Variants in TBC1D14 observed in about 807,000 individuals in gnomAD.
The protein encoded by TBC1D14 is TBC1 domain family member 14.
Under a neutral mutation model 79.0 loss-of-function variants are expected in TBC1D14, and 26 were observed. The ratio of observed to expected loss-of-function variants is 0.33; its 90% CI spans 0.24 to 0.46. The LOEUF (loss-of-function observed/expected upper bound fraction) is 0.46. Among genes scored for constraint, TBC1D14 ranks in the 20% least tolerant of loss-of-function variants. The pLI is 1.00. For missense variants in TBC1D14, 769 were observed against 887.6 expected (o/e 0.87, Z 1.70); for synonymous variants, 394 against 349.9 (o/e 1.13, Z -1.40).
chr4:6,967,254 T>C, intron 2 of TBC1D14, 50 bp from the exon 3 acceptor site: 1 of 1,599,304 alleles, frequency 6.3e-7, no homozygotes, highest in Non-Finnish European at 8.5e-7. Flanking sequence ...TGTTCTGGTG[T>C]TTCTTGAATT....
chr4:6,958,495 C>T (rs924165448), intron 2 of TBC1D14, among the ~76,000 whole-genome samples: 1 of 152,150 alleles, frequency 6.6e-6, no homozygotes, highest in Non-Finnish European at 1.5e-5. Flanking sequence ...CAGGGGCTCA[C>T]TCAGCTTGTG....
At chr4:6,974,146 C>T (rs1404088284) in intron 3 of TBC1D14, among the ~76,000 whole-genome samples, 1 of 152,108 alleles carries the variant, frequency 6.6e-6, no homozygotes, top group Non-Finnish European at 1.5e-5. Flanking sequence ...GCGCCCAGGC[C>T]TAGTTTTATT....
Position 6,994,392 on chromosome 4 carries a change from C to T in TBC1D14, c.962+90C>T, listed in dbSNP as rs764185569. On this transcript the variant is annotated intron_variant, in intron 4 of 13. Coordinates refer to ENST00000409757, the MANE Select transcript of TBC1D14 (RefSeq NM_020773.3). ...CTTTTCATTAGAGAAAAACTAGGGT[C>T]AGAAAAGGGGAGAAGAGTAAGCCAG... 108 of 1,145,200 alleles carry T rather than the reference C, an allele frequency of 9.4e-5. 1 individual carries two copies. The highest frequency in any genetic ancestry group is 1.3e-4 in the Non-Finnish European group (100 of 757,164). The allele number at this position is 1,145,200 out of a possible 1,614,324, so 70.9% of individuals were successfully genotyped here. A position where few individuals can be genotyped will look rare whatever the true frequency, so the allele number is the denominator to read the frequency against.
chr4:7,013,527 G>C (rs1207723688), intron 11 of TBC1D14, among the ~76,000 whole-genome samples: 1 of 152,148 alleles, frequency 6.6e-6, no homozygotes, highest in Non-Finnish European at 1.5e-5. Flanking sequence ...TGTACATTTT[G>C]CTTCCTTAAA....
At chr4:6,942,047 TTGC>T (rs1712965711) in intron 2 of TBC1D14, among the ~76,000 whole-genome samples, 1 of 152,228 alleles carries the variant, frequency 6.6e-6, no homozygotes, top group African/African-American at 2.4e-5. Context: ...CATCAGCCAC[TTGC>T]TACTCATAAA....
intron 2 of TBC1D14, among the ~76,000 whole-genome samples, chr4:6,932,403 G>A (rs1456896026): frequency 6.6e-6 from 1 of 151,080 alleles, no homozygotes; most frequent in Non-Finnish European, 1.5e-5. Flanking sequence ...ACTTGAAGAT[G>A]TCAGTGACAA....
At chr4:6,975,001 A>G (rs1454573041) in intron 3 of TBC1D14, among the ~76,000 whole-genome samples, 1 of 148,732 alleles carries the variant, frequency 6.7e-6, no homozygotes, top group East Asian at 2.0e-4. Context: ...AACCTCTGCC[A>G]CCCAGGTTCA....
chr4:7,002,123 C>G (rs1367711794), intron 7 of TBC1D14, among the ~76,000 whole-genome samples: 1 of 152,166 alleles, frequency 6.6e-6, no homozygotes, highest in Non-Finnish European at 1.5e-5. Flanking sequence ...AGGCAGGTCT[C>G]CCCTCACGCC....
chr4:7,004,957 TG>T (rs1431044320), intron 8 of TBC1D14, 33 bp downstream of exon 8: 1 of 1,579,878 alleles, frequency 6.3e-7, no homozygotes, highest in Non-Finnish European at 8.7e-7. Context: ...CGGACTGCTG[TG>T]GTCAATTATG....
intron 2 of TBC1D14, among the ~76,000 whole-genome samples, chr4:6,925,270 A>C (rs11942739): frequency 0.29 from 43,964 of 152,100 alleles, 6,599 homozygotes; most frequent in Admixed American, 0.33. Flanking sequence ...CCATCTCAAA[A>C]AAACAAACAA....
intron 13 of TBC1D14, among the ~76,000 whole-genome samples, chr4:7,027,443 CAT>C (rs1393011655): frequency 1.2e-3 from 168 of 141,700 alleles, no homozygotes; most frequent in African/African-American, 3.9e-3. Context: ...TCACCCCACA[CAT>C]AGACACGCAC....
At position 7,001,453 on chromosome 4, in the gene TBC1D14, C is replaced by T. The variant is rs182787099; in HGVS notation, c.1270+202C>T. 645 of 541,516 alleles carry T rather than the reference C, an allele frequency of 1.2e-3. 2 individuals are homozygous for T. The highest frequency in any genetic ancestry group is 0.01 in the African/African-American group (552 of 52,596). The allele number at this position is 541,516 out of a possible 1,614,324, so 33.5% of individuals were successfully genotyped here. ...GCACTCCGGTTACCTGACAGCTCAG[C>T]GCAGGAGCTCTTGAATAGAGGGGGC... On this transcript the variant is annotated intron_variant, in intron 7 of 13. Coordinates refer to ENST00000409757, the MANE Select transcript of TBC1D14 (RefSeq NM_020773.3).
intron 2 of TBC1D14, among the ~76,000 whole-genome samples, chr4:6,949,859 G>A (rs1370957920): frequency 1.3e-5 from 2 of 151,640 alleles, no homozygotes; most frequent in Non-Finnish European, 2.9e-5. Context: ...ATGTAGAGTT[G>A]ACTCGTTGGG....
intron 11 of TBC1D14, among the ~76,000 whole-genome samples, chr4:7,013,318 C>G (rs1720954368): frequency 6.6e-6 from 1 of 152,224 alleles, no homozygotes; most frequent in South Asian, 2.1e-4. Context: ...ACCAGTGTTG[C>G]CTTAGAGACC....
At chr4:6,913,942 A>C (rs1459012747) in intron 1 of TBC1D14, among the ~76,000 whole-genome samples, 1 of 152,042 alleles carries the variant, frequency 6.6e-6, no homozygotes, top group Non-Finnish European at 1.5e-5. Flanking sequence ...CAGCCTGGGC[A>C]ACATGGTGAA....
chr4:7,028,771 G>A (rs1186275893), intron 13 of TBC1D14, among the ~76,000 whole-genome samples: 1 of 151,932 alleles, frequency 6.6e-6, no homozygotes, highest in African/African-American at 2.4e-5. Context: ...GGGACTTGTG[G>A]TCCATGCACA....
At chr4:6,983,791 CTTAT>C (rs936959906) in intron 3 of TBC1D14, among the ~76,000 whole-genome samples, 81 of 152,318 alleles carry the variant, frequency 5.3e-4, no homozygotes, top group Non-Finnish European at 9.7e-4. Context: ...CTGGTAACAG[CTTAT>C]TTATTCTGAG....
chr4:6,919,217 G>T (rs1577455938), intron 1 of TBC1D14, among the ~76,000 whole-genome samples: 1 of 151,724 alleles, frequency 6.6e-6, no homozygotes, highest in Non-Finnish European at 1.5e-5. Flanking sequence ...CATCATTTCA[G>T]CTCACTGCAA....
intron 3 of TBC1D14, among the ~76,000 whole-genome samples, chr4:6,991,750 G>T (rs1718515795): frequency 6.6e-6 from 1 of 152,218 alleles, no homozygotes. Flanking sequence ...CCCCTTCGGG[G>T]GGCTGGTGTG....
Sources: gnomAD v4.1 joint callset for allele counts (sites outside exome capture counted in the v4.1 genomes callset) on GRCh38, gnomAD v4.1.1 for gene constraint, MANE v1.5 for transcripts, NCBI Gene and HGNC (gene_info 2026-07-23, HGNC 2026-07-21) for gene names.